The following ATE1 variants were observed in gnomAD, a reference collection of about 807,000 sequenced individuals.
ATE1 encodes arginyl-tRNA--protein transferase 1.
A neutral mutation model predicts 70.5 loss-of-function variants in ATE1; 36 were observed. The observed-to-expected ratio is 0.51, with a 90% CI of 0.39 to 0.67. The LOEUF is 0.67. ATE1 is among the 30% of genes least tolerant of loss of function. The pLI, the probability that ATE1 is intolerant of heterozygous loss-of-function variation, is 0.00. For synonymous variants in ATE1, 232 were observed against 219.3 expected (o/e 1.06, Z -0.51); for missense variants, 593 against 629.5 (o/e 0.94, Z 0.62).
intron 11 of ATE1, among the ~76,000 whole-genome samples, chr10:121,759,563 A>C (rs1334258059): frequency 6.6e-6 from 1 of 151,938 alleles, no homozygotes; most frequent in Admixed American, 6.6e-5. Context: ...CTCTACTAAA[A>C]ATACAAAAAA....
Position 121,743,791 on chromosome 10 carries a change from G to A in ATE1, c.1446C>T (p.Tyr482=), listed in dbSNP as rs149469002. The change falls in exon 12 of 12, where the codon TAC becomes TAT. Residue 482 remains tyrosine, a synonymous_variant. Coordinates refer to ENST00000224652, the MANE Select transcript of ATE1 (RefSeq NM_001001976.3). ...QVFHKRAIMP[Y]GVYKKQQKDP... ...CTTTCTGCTGTTTCTTATAAACACCGTAAGGCATGATGGCTCTCTTGTGAA... is the reference window on the plus strand; with the variant it reads ...CTTTCTGCTGTTTCTTATAAACACCATAAGGCATGATGGCTCTCTTGTGAA... 27 of 1,613,920 alleles carry A rather than the reference G, an allele frequency of 1.7e-5. 1 individual carries two copies. Among genetic ancestry groups the A allele is most frequent in the African/African-American group, 9.3e-5 (7 of 74,882 alleles).
chr10:121,810,028 A>G (rs1947258296), intron 10 of ATE1, among the ~76,000 whole-genome samples: 1 of 152,224 alleles, frequency 6.6e-6, no homozygotes. Context: ...GTGATGTCCA[A>G]TTAACCAGTA....
intron 8 of ATE1, among the ~76,000 whole-genome samples, chr10:121,865,520 T>C (rs769254320): frequency 2.0e-5 from 3 of 152,194 alleles, no homozygotes; most frequent in East Asian, 1.9e-4. Context: ...CCACATTTAA[T>C]TGAAGACATC....
rs763068910 is a variant in ATE1, at chr10:121,741,999, G to A, written c.*1681C>T. ...CATTTTAGAGGAAAAAGAGAAAAAA[G>A]GCTCTATAGATTCTGAAGGCAGTTC... On this transcript the variant is annotated 3_prime_UTR_variant, in exon 12 of 12. Transcript: ENST00000224652. 5 of 152,158 alleles carry A rather than the reference G, an allele frequency of 3.3e-5. No homozygotes were observed. Among genetic ancestry groups the A allele is most frequent in the Non-Finnish European group, 7.4e-5 (5 of 68,024 alleles). 9.4% of individuals were successfully genotyped at this position (152,158 alleles called of 1,614,324 possible). A position where few individuals can be genotyped will look rare whatever the true frequency, so the allele number is the denominator to read the frequency against.
intron 11 of ATE1, among the ~76,000 whole-genome samples, chr10:121,745,747 C>T (rs1447415252): frequency 6.6e-6 from 1 of 151,198 alleles, no homozygotes; most frequent in Non-Finnish European, 1.5e-5. Context: ...AAAAAAAGAA[C>T]CACTGTCCTA....
chr10:121,895,345 C>G (rs1385719951), intron 7 of ATE1, among the ~76,000 whole-genome samples: 1 of 152,236 alleles, frequency 6.6e-6, no homozygotes, highest in Non-Finnish European at 1.5e-5. Flanking sequence ...CACGGTGGCT[C>G]ACGTCTGTAG....
chr10:121,778,326 G>A (rs2135934957), intron 11 of ATE1, among the ~76,000 whole-genome samples: 1 of 152,272 alleles, frequency 6.6e-6, no homozygotes, highest in South Asian at 2.1e-4. Context: ...ACAATGGAGT[G>A]CATCGTATTT....
At chr10:121,800,454 C>G (rs1465696916) in intron 10 of ATE1, among the ~76,000 whole-genome samples, 1 of 152,168 alleles carries the variant, frequency 6.6e-6, no homozygotes, top group Non-Finnish European at 1.5e-5. Context: ...CCTTTGAACT[C>G]TGGTCCTGCA....
intron 11 of ATE1, among the ~76,000 whole-genome samples, chr10:121,754,803 G>A (rs537186439): frequency 2.6e-5 from 4 of 152,244 alleles, no homozygotes; most frequent in African/African-American, 7.2e-5. Flanking sequence ...GAGAAACCTG[G>A]TACATTCCAC....
intron 10 of ATE1, among the ~76,000 whole-genome samples, chr10:121,803,798 C>T (rs1350634055): frequency 6.6e-6 from 1 of 152,224 alleles, no homozygotes; most frequent in African/African-American, 2.4e-5. Context: ...TTTAATTACA[C>T]CCCTGAGGGG....
At chr10:121,927,789 G>C in intron 1 of ATE1, 55 bp downstream of exon 1, 1 of 1,513,052 alleles carries the variant, frequency 6.6e-7, no homozygotes, top group Non-Finnish European at 8.9e-7. Flanking sequence ...GGGGACCCTG[G>C]GATCCCGAGA....
At chr10:121,832,920 C>A (rs1232000355) in intron 10 of ATE1, among the ~76,000 whole-genome samples, 2 of 152,230 alleles carry the variant, frequency 1.3e-5, no homozygotes, top group African/African-American at 4.8e-5. Flanking sequence ...CAAGAGCAGG[C>A]ATTTAGAAAT....
intron 11 of ATE1, among the ~76,000 whole-genome samples, chr10:121,788,914 G>A (rs1186377647): frequency 6.6e-6 from 1 of 152,248 alleles, no homozygotes; most frequent in Admixed American, 6.5e-5. Flanking sequence ...TAAATGCCGT[G>A]AGGACTACAA....
chr10:121,829,011 T>C (rs7094770), intron 10 of ATE1, among the ~76,000 whole-genome samples: 14,451 of 152,200 alleles, frequency 0.095, 2,170 homozygotes, highest in African/African-American at 0.32. Flanking sequence ...TAATTACCTA[T>C]GTCCTCCTAA....
chr10:121,904,030 A>G (rs956584954), intron 5 of ATE1, among the ~76,000 whole-genome samples: 1 of 149,934 alleles, frequency 6.7e-6, no homozygotes, highest in Non-Finnish European at 1.5e-5. Flanking sequence ...CCCAGGCTGG[A>G]GTGCAGTGGC....
rs78983241 is a variant in ATE1, at chr10:121,770,119, T to C, written c.1378+20050A>G. Among the ~76,000 whole-genome samples, 646 of 152,264 alleles carry C rather than the reference T, an allele frequency of 4.2e-3. 3 individuals carry two copies. Among genetic ancestry groups the C allele is most frequent in the African/African-American group, 0.015 (624 of 41,550 alleles). ...ACTGAGATGTCCTTCAACAGGTGAA[T>C]GGTTAAATGGCTAAACGAAGTATAA... On this transcript the variant is annotated intron_variant, in intron 11 of 11. Coordinates refer to ENST00000224652, the MANE Select transcript of ATE1 (RefSeq NM_001001976.3).
intron 8 of ATE1, among the ~76,000 whole-genome samples, chr10:121,847,677 G>A (rs1405111927): frequency 1.4e-5 from 2 of 140,338 alleles, no homozygotes; most frequent in African/African-American, 5.3e-5. Context: ...ACAGTTGCTT[G>A]AACCAGGGAG....
At chr10:121,918,274 A>T (rs1590726028) in intron 3 of ATE1, among the ~76,000 whole-genome samples, 1 of 151,930 alleles carries the variant, frequency 6.6e-6, no homozygotes, top group African/African-American at 2.4e-5. Flanking sequence ...CGGAGGTTTC[A>T]GTGAGCAGAG....
Position 121,925,321 on chromosome 10 carries a change from G to A in ATE1, c.107-992C>T, listed in dbSNP as rs192024986. ...TGTAATCCCAGCTACTTGGGAGGCT[G>A]AGGCAGGAGAATCGCTTGAACCCAG... On this transcript the variant is annotated intron_variant, in intron 1 of 11. Transcript: ENST00000224652. 7.9e-5 allele frequency among the ~76,000 whole-genome samples: 12 copies of A among 152,060 alleles called. No homozygotes were observed. In the East Asian group the frequency reaches 2.3e-3, roughly 30 times the overall value.
Sources: allele counts gnomAD v4.1 joint callset (sites outside exome capture counted in the v4.1 genomes callset), GRCh38; gene constraint gnomAD v4.1.1; transcripts MANE v1.5; gene names NCBI Gene and HGNC (gene_info 2026-07-23, HGNC 2026-07-21).